Variants in ADCY2 observed in about 807,000 individuals in gnomAD.
The protein encoded by ADCY2 is adenylate cyclase type 2.
In ADCY2, 31 loss-of-function variants were observed where a neutral mutation model predicts 125.2. The ratio of observed to expected loss-of-function variants is 0.25; its 90% CI spans 0.19 to 0.33. ADCY2 has a LOEUF of 0.33. Among genes scored for constraint, ADCY2 ranks in the 10% least tolerant of loss-of-function variants. ADCY2 has a pLI of 1.00. For missense variants in ADCY2, 904 were observed against 1,418.2 expected, an observed-to-expected ratio of 0.64 and a Z score of 5.82; for synonymous variants, 512 against 548.4, an observed-to-expected ratio of 0.93 and a Z score of 0.93.
At chr5:7,547,252 G>A (rs1322398285) in intron 3 of ADCY2, among the ~76,000 whole-genome samples, 1 of 152,144 alleles carries the variant, frequency 6.6e-6, no homozygotes, top group African/African-American at 2.4e-5. Context: ...CTTCAATACA[G>A]ACTCAGGAAA....
At chr5:7,641,609 G>T (rs113534055) in intron 4 of ADCY2, among the ~76,000 whole-genome samples, 4 of 152,104 alleles carry the variant, frequency 2.6e-5, no homozygotes, top group African/African-American at 9.6e-5. Context: ...GGGTATGACT[G>T]ATCCCATTAC....
chr5:7,824,707 C>T (rs1197061207), intron 24 of ADCY2, among the ~76,000 whole-genome samples: 1 of 152,184 alleles, frequency 6.6e-6, no homozygotes, highest in Non-Finnish European at 1.5e-5. Flanking sequence ...ACACGTGGAC[C>T]TTGTGCTAGG....
chr5:7,401,949 T>C (rs1240716339), intron 1 of ADCY2, among the ~76,000 whole-genome samples: 1 of 152,226 alleles, frequency 6.6e-6, no homozygotes, highest in Non-Finnish European at 1.5e-5. Context: ...AGACAATTCA[T>C]TGAACCTGAC....
At chr5:7,499,972 T>C (rs1187373951) in intron 2 of ADCY2, among the ~76,000 whole-genome samples, 1 of 152,170 alleles carries the variant, frequency 6.6e-6, no homozygotes, top group African/African-American at 2.4e-5. Flanking sequence ...CTATGCTTTT[T>C]ACAAGAGACT....
intron 3 of ADCY2, among the ~76,000 whole-genome samples, chr5:7,595,260 C>G (rs926888282): frequency 2.0e-5 from 3 of 152,154 alleles, no homozygotes; most frequent in Admixed American, 6.5e-5. Context: ...CTTCGCTTTT[C>G]TTAAAATTAA....
At chr5:7,479,488 G>C (rs1487547203) in intron 2 of ADCY2, among the ~76,000 whole-genome samples, 1 of 151,870 alleles carries the variant, frequency 6.6e-6, no homozygotes, top group Non-Finnish European at 1.5e-5. Context: ...ATATTTATGG[G>C]TTATGTGGTA....
At chr5:7,564,883 T>G (rs1003687177) in intron 3 of ADCY2, among the ~76,000 whole-genome samples, 4 of 152,170 alleles carry the variant, frequency 2.6e-5, no homozygotes, top group Admixed American at 6.5e-5. Context: ...ACAAGACTAT[T>G]ACCAAGAGAT....
At chr5:7,718,449 T>C (rs1201738890) in intron 12 of ADCY2, among the ~76,000 whole-genome samples, 1 of 152,074 alleles carries the variant, frequency 6.6e-6, no homozygotes, top group Non-Finnish European at 1.5e-5. Context: ...CGCCCGGCCT[T>C]AGATTGTTCC....
chr5:7,666,305 G>T (rs991762950), intron 4 of ADCY2, among the ~76,000 whole-genome samples: 1 of 151,868 alleles, frequency 6.6e-6, no homozygotes, highest in African/African-American at 2.4e-5. Context: ...GGACCATTTT[G>T]TCACCCAGGC....
intron 17 of ADCY2, 130 bp downstream of exon 17, chr5:7,766,936 T>A: frequency 8.2e-7 from 1 of 1,216,286 alleles, no homozygotes; most frequent in South Asian, 2.1e-5. Flanking sequence ...CCCTGAGTGG[T>A]TCTGAATTTA....
At chr5:7,561,998 C>T (rs548907375) in intron 3 of ADCY2, among the ~76,000 whole-genome samples, 7 of 152,108 alleles carry the variant, frequency 4.6e-5, no homozygotes, top group Non-Finnish European at 8.8e-5. Flanking sequence ...CCATAGACTC[C>T]GTAGTATGTA....
chr5:7,741,578 C>CCATCA (rs1742408061), intron 14 of ADCY2, among the ~76,000 whole-genome samples: 1 of 97,856 alleles, frequency 1.0e-5, no homozygotes, highest in African/African-American at 3.8e-5. Context: ...ATCACCATCA[C>CCATCA]CATCCCTATC....
chr5:7,726,234 C>T (rs567629635), intron 13 of ADCY2, among the ~76,000 whole-genome samples: 1 of 152,190 alleles, frequency 6.6e-6, no homozygotes, highest in Non-Finnish European at 1.5e-5. Flanking sequence ...ACCATACAAC[C>T]TTTCGTAAGG....
At chr5:7,584,271 C>G (rs1391879802) in intron 3 of ADCY2, among the ~76,000 whole-genome samples, 2 of 151,836 alleles carry the variant, frequency 1.3e-5, no homozygotes, top group Non-Finnish European at 2.9e-5. Flanking sequence ...CCTGAAGGAT[C>G]AAAACTCCAA....
chr5:7,747,272 C>G (rs181138201), intron 15 of ADCY2, among the ~76,000 whole-genome samples: 1 of 152,184 alleles, frequency 6.6e-6, no homozygotes, highest in African/African-American at 2.4e-5. Context: ...CTTTTTACAC[C>G]GTGGGACTGA....
intron 2 of ADCY2, among the ~76,000 whole-genome samples, chr5:7,428,465 G>A (rs1311808008): frequency 6.6e-6 from 1 of 152,180 alleles, no homozygotes; most frequent in African/African-American, 2.4e-5. Flanking sequence ...CTTAAGTTCA[G>A]CTTCCATTTT....
intron 15 of ADCY2, among the ~76,000 whole-genome samples, chr5:7,744,927 T>C (rs1742550541): frequency 6.6e-6 from 1 of 152,246 alleles, no homozygotes; most frequent in Non-Finnish European, 1.5e-5. Context: ...CTGGTTAGAC[T>C]GTAACAACGC....
chr5:7,477,790 C>T (rs190284564), intron 2 of ADCY2, among the ~76,000 whole-genome samples: 13 of 152,180 alleles, frequency 8.5e-5, no homozygotes, highest in Middle Eastern at 3.4e-3. Flanking sequence ...CTGATGTGAA[C>T]GGGAATTGAA....
Position 7,588,962 on chromosome 5 carries a change from C to T in ADCY2, c.571-37205C>T, listed in dbSNP as rs912899611. ...GATAAACAGGTATTAGGAGTTGGCTCCTTCACTGAGGGAAAAAATTATGTT... is the reference window on the plus strand; with the variant it reads ...GATAAACAGGTATTAGGAGTTGGCTTCTTCACTGAGGGAAAAAATTATGTT... On this transcript the variant is annotated intron_variant, in intron 3 of 24. Coordinates refer to ENST00000338316, the MANE Select transcript of ADCY2 (RefSeq NM_020546.3). 3.9e-5 allele frequency among the ~76,000 whole-genome samples: 6 copies of T among 152,262 alleles called. No homozygotes were observed. The South Asian group carries it at 1.0e-3, about 26-fold the overall frequency.
Sources: gnomAD v4.1 joint callset for allele counts (sites outside exome capture counted in the v4.1 genomes callset) on GRCh38, gnomAD v4.1.1 for gene constraint, MANE v1.5 for transcripts, NCBI Gene and HGNC (gene_info 2026-07-23, HGNC 2026-07-21) for gene names.